DNAH5: variants seen among roughly 807,000 people sequenced by gnomAD.
DNAH5 encodes axonemal beta dynein heavy chain 5.
Under a neutral mutation model 518.2 loss-of-function variants are expected in DNAH5, and 372 were observed. The observed-to-expected ratio is 0.72, with a 90% confidence interval of 0.66 to 0.78. The LOEUF is 0.78. DNAH5 is among the 30% of genes least tolerant of loss of function. The pLI is 0.00. For missense variants in DNAH5, 5,523 were observed against 5,687.0 expected (o/e 0.97, Z 0.93); for synonymous variants, 2,039 against 2,025.9 (o/e 1.01, Z -0.17).
chr5:13,975,536 C>T (rs558180172), intron 1 of DNAH5, among the ~76,000 whole-genome samples: 46 of 152,226 alleles, frequency 3.0e-4, no homozygotes, highest in African/African-American at 1.0e-3. Flanking sequence ...ATGGACAGGG[C>T]GAAAATGGGG....
At chr5:13,736,288 C>T (rs1440095972) in intron 66 of DNAH5, among the ~76,000 whole-genome samples, 1 of 152,132 alleles carries the variant, frequency 6.6e-6, no homozygotes, top group African/African-American at 2.4e-5. Flanking sequence ...GGACCTCATC[C>T]TTAAGTTCCA....
At position 13,842,428 on chromosome 5, in the gene DNAH5, AAAGAAAGAAAGAAAGAAAGAAAGAAAG is replaced by A. The variant is rs1302552836; in HGVS notation, c.5272-551_5272-525del. Among the ~76,000 whole-genome samples, 62 of 47,684 alleles carry A rather than the reference AAAGAAAGAAAGAAAGAAAGAAAGAAAG, an allele frequency of 1.3e-3. 3 individuals are homozygous for A. Among genetic ancestry groups the A allele is most frequent in the African/African-American group, 4.4e-3 (55 of 12,604 alleles). 31.3% of individuals were successfully genotyped at this position (47,684 alleles called of 152,430 possible). Reference sequence around the variant, plus strand: ...AGCGAGAAAGAAAAGAAAAGAAAAGAAAGAAAGAAAGAAAGAAAGAAAGAAAGAAAGAAAGAAAGAAAGAAAGAAAGA... The same window carrying A: ...AGCGAGAAAGAAAAGAAAAGAAAAGAAAAGAAAGAAAGAAAGAAAGAAAGA... On this transcript the variant is annotated intron_variant, in intron 32 of 78. Transcript: ENST00000265104.
rs768141871 is a variant in DNAH5, at chr5:13,786,249, T to G, written c.8750A>C (p.Tyr2917Ser). The G allele has an allele frequency of 6.8e-6, 11 of 1,613,984 alleles. No homozygotes were observed. The African/African-American group carries it at 9.3e-5, about 14-fold the overall frequency. Reference protein sequence around the residue: ...KERLNMFLQLYNESIRGAGMD... With the variant: ...KERLNMFLQLSNESIRGAGMD... Reference sequence around the variant, plus strand: ...GCCGGCGCCACGGATGCTCTCATTATAGAGCTGCAGGAACATATTCAGACG... The same window carrying G: ...GCCGGCGCCACGGATGCTCTCATTAGAGAGCTGCAGGAACATATTCAGACG... The change falls in exon 52 of 79, where the codon TAT becomes TCT. Residue 2917 changes from tyrosine (Y) to serine (S), a missense_variant. Transcript: ENST00000265104.
intron 60 of DNAH5, among the ~76,000 whole-genome samples, chr5:13,761,592 C>CAAAA (rs34662456): frequency 0.01 from 1,410 of 135,100 alleles, 20 homozygotes; most frequent in African/African-American, 0.037. Context: ...GACTCCGTCT[C>CAAAA]AAAAAAAAAA....
At chr5:13,818,526 C>T (rs1169341027) in intron 41 of DNAH5, among the ~76,000 whole-genome samples, 1 of 152,244 alleles carries the variant, frequency 6.6e-6, no homozygotes, top group African/African-American at 2.4e-5. Context: ...CTGACACAGA[C>T]TCTTTTTTTC....
chr5:13,790,232 C>CT lies in DNAH5; in HGVS notation c.8449-1319dup, dbSNP rs369976103. Among the ~76,000 whole-genome samples, 1,135 of 152,218 alleles carry CT rather than the reference C, an allele frequency of 7.5e-3. 10 individuals are homozygous for CT. Among genetic ancestry groups the CT allele is most frequent in the African/African-American group, 0.026 (1,070 of 41,556 alleles). ...ACCCAGAGGAATATAAATCATTCTACTATGCACATGCACGTGAATGTTCAT... is the reference window on the plus strand; with the variant it reads ...ACCCAGAGGAATATAAATCATTCTACTTATGCACATGCACGTGAATGTTCAT... On this transcript the variant is annotated intron_variant, in intron 50 of 78. Transcript: ENST00000265104.
chr5:13,934,061 C>T (rs1778679550), intron 1 of DNAH5, among the ~76,000 whole-genome samples: 2 of 151,558 alleles, frequency 1.3e-5, no homozygotes, highest in African/African-American at 4.8e-5. Flanking sequence ...GGCCAGTTTT[C>T]ACCAAAAAAA....
chr5:13,779,889 G>A (rs1028966057), intron 53 of DNAH5, among the ~76,000 whole-genome samples: 1 of 152,098 alleles, frequency 6.6e-6, no homozygotes, highest in African/African-American at 2.4e-5. Context: ...CCCTGAGACA[G>A]CCTTATAACT....
At chr5:13,948,028 C>T (rs142867302), upstream of DNAH5, among the ~76,000 whole-genome samples, 326 of 152,286 alleles carry the variant, frequency 2.1e-3, no homozygotes, top group Admixed American at 7.5e-3. Context: ...GCACACCCAG[C>T]TGTCACCCAA....
Position 13,874,524 on chromosome 5 carries a change from AT to A in DNAH5, c.3396+2159del, listed in dbSNP as rs951022035. On this transcript the variant is annotated intron_variant, in intron 22 of 78. Coordinates refer to ENST00000265104, the MANE Select transcript of DNAH5 (RefSeq NM_001369.3). ...GTTTGGTCCAGCTCAACGTTTCTATATTTTTTTTTTCGAGACAAAGTCCCGC... is the reference window on the plus strand; with the variant it reads ...GTTTGGTCCAGCTCAACGTTTCTATATTTTTTTTTCGAGACAAAGTCCCGC... Among the ~76,000 whole-genome samples, 48 of 150,482 alleles carry A rather than the reference AT, an allele frequency of 3.2e-4. 1 individual carries two copies. Among genetic ancestry groups the A allele is most frequent in the East Asian group, 2.1e-3 (11 of 5,126 alleles).
chr5:13,812,702 C>T (rs1760882305), intron 43 of DNAH5, among the ~76,000 whole-genome samples: 1 of 152,076 alleles, frequency 6.6e-6, no homozygotes, highest in South Asian at 2.1e-4. Flanking sequence ...AGAAAAATAT[C>T]AAGGATATTC....
intron 6 of DNAH5, among the ~76,000 whole-genome samples, chr5:13,920,239 T>C (rs545048244): frequency 6.6e-6 from 1 of 152,368 alleles, no homozygotes; most frequent in South Asian, 2.1e-4. Context: ...GAAAAGAAAC[T>C]GGCAAAGTGC....
chr5:13,701,508 G>GAAAAAA, intron 76 of DNAH5, 72 bp from the exon 77 acceptor site: 1 of 1,053,370 alleles, frequency 9.5e-7, no homozygotes, highest in Non-Finnish European at 1.4e-6. Flanking sequence ...TATGTTCACT[G>GAAAAAA]AAAAAAAAAA....
At chr5:14,006,585 A>G (rs1359938440) in intron 1 of DNAH5, among the ~76,000 whole-genome samples, 1 of 152,162 alleles carries the variant, frequency 6.6e-6, no homozygotes, top group Non-Finnish European at 1.5e-5. Flanking sequence ...GCCCACACAT[A>G]TGACCTAATT....
chr5:13,887,393 G>A (rs563933419), intron 17 of DNAH5, among the ~76,000 whole-genome samples: 22 of 152,156 alleles, frequency 1.4e-4, no homozygotes, highest in African/African-American at 4.6e-4. Context: ...GAATATAAAC[G>A]CAATGAGGAA....
At chr5:14,003,712 G>A (rs998960352) in intron 1 of DNAH5, among the ~76,000 whole-genome samples, 2 of 152,222 alleles carry the variant, frequency 1.3e-5, no homozygotes, top group South Asian at 2.1e-4. Context: ...TGGAAGTGAC[G>A]TCCAAGGCTG....
At chr5:13,944,690 G>C, upstream of DNAH5, 1 of 541,638 alleles carries the variant, frequency 1.8e-6, no homozygotes, top group Non-Finnish European at 3.3e-6. Flanking sequence ...GGTGTTGTTA[G>C]GGTAATATTG....
chr5:13,761,490 G>C (rs1441937844), intron 60 of DNAH5, among the ~76,000 whole-genome samples: 1 of 151,900 alleles, frequency 6.6e-6, no homozygotes, highest in Non-Finnish European at 1.5e-5. Context: ...CTACTCGGGA[G>C]GCTGAGGCAG....
rs1747165895 is a variant in DNAH5 at position 13,735,018 on chromosome 5, C to CA, written c.11761+112dup. 41 of 883,714 alleles carry CA rather than the reference C, an allele frequency of 4.6e-5. No individual in the cohort carries two copies. The East Asian group carries it at 1.0e-3, about 22-fold the overall frequency. The allele number at this position is 883,714 out of a possible 1,614,324, so 54.7% of individuals were successfully genotyped here. On this transcript the variant is annotated intron_variant, in intron 68 of 78. Transcript: ENST00000265104. ...ACAAATAAAATATCTCATCTAAATG[C>CA]AGTCTTACATAATGCAAGGCAATTG...
Sources: gnomAD v4.1 joint callset for allele counts (sites outside exome capture counted in the v4.1 genomes callset) on GRCh38, gnomAD v4.1.1 for gene constraint, MANE v1.5 for transcripts, NCBI Gene and HGNC (gene_info 2026-07-23, HGNC 2026-07-21) for gene names.